Variants in LYST observed in about 807,000 individuals in gnomAD.
LYST encodes the protein lysosomal trafficking regulator.
A neutral mutation model predicts 413.6 loss-of-function variants in LYST; 192 were observed. The ratio of observed to expected loss-of-function variants is 0.46; its 90% CI spans 0.41 to 0.52. The LOEUF (loss-of-function observed/expected upper bound fraction) is 0.52. LYST is among the 20% of genes least tolerant of loss of function. LYST has a pLI of 0.00. For synonymous variants in LYST, 1,525 were observed against 1,567.3 expected (o/e 0.97, Z 0.64); for missense variants, 3,815 against 4,499.9 (o/e 0.85, Z 4.35).
intron 44 of LYST, among the ~76,000 whole-genome samples, chr1:235,703,604 C>A (rs906784986): frequency 3.3e-5 from 5 of 152,226 alleles, no homozygotes; most frequent in Admixed American, 6.5e-5. Flanking sequence ...CTTAGCTTTT[C>A]GTATATTTAA....
chr1:235,786,563 G>T (rs183799328), intron 14 of LYST, among the ~76,000 whole-genome samples: 24 of 152,216 alleles, frequency 1.6e-4, no homozygotes, highest in African/African-American at 5.8e-4. Flanking sequence ...ATACCCAAAG[G>T]ATTATGAATC....
At chr1:235,665,152 T>G (rs368494621) in intron 50 of LYST, among the ~76,000 whole-genome samples, 6 of 152,168 alleles carry the variant, frequency 3.9e-5, no homozygotes, top group South Asian at 2.1e-4. Flanking sequence ...AAAATAAAAA[T>G]AAGAAGAAGC....
Position 235,801,086 on chromosome 1 carries a change from T to G in LYST, c.3724A>C (p.Lys1242Gln). The G allele has an allele frequency of 1.2e-6, 2 of 1,601,446 alleles. No homozygotes were observed. Among genetic ancestry groups the G allele is most frequent in the Non-Finnish European group, 1.7e-6 (2 of 1,168,932 alleles). The part of the protein sequence containing the change: ...GETQDDGVDL[K>Q]SETEGFSASS... ...GCACTGAAACCTTCTGTTTCAGACT[T>G]TAAGTCTACCCCTGAAAAGAGAAAA... The change falls in exon 9 of 53, where the codon AAG (lysine) becomes CAG (glutamine). Residue 1242 changes from lysine (K) to glutamine (Q), a missense_variant. Lys to Gln is a moderately conservative substitution (Grantham distance 53, BLOSUM62 1). Around this residue, in one of 4 missense-constraint regions of LYST, gnomAD observed 1,648 missense variants for 1,810.3 expected, o/e 0.91. Coordinates refer to ENST00000389793, the MANE Select transcript of LYST (RefSeq NM_000081.4).
intron 7 of LYST, 81 bp downstream of exon 7, chr1:235,804,423 C>G: frequency 9.3e-7 from 1 of 1,071,562 alleles, no homozygotes; most frequent in South Asian, 1.2e-5. Flanking sequence ...TAATGACATT[C>G]ATCAGCGTCC....
intron 16 of LYST, among the ~76,000 whole-genome samples, chr1:235,777,713 G>T (rs995279325): frequency 6.6e-6 from 1 of 151,976 alleles, no homozygotes; most frequent in Non-Finnish European, 1.5e-5. Context: ...CTTTGCATTT[G>T]CTCATTGGCT....
intron 1 of LYST, among the ~76,000 whole-genome samples, chr1:235,844,399 A>T (rs1677554436): frequency 6.6e-6 from 1 of 152,196 alleles, no homozygotes; most frequent in Non-Finnish European, 1.5e-5. Flanking sequence ...CACATTCTAC[A>T]GTTGAGAAAA....
intron 1 of LYST, among the ~76,000 whole-genome samples, chr1:235,860,224 C>T (rs1376619321): frequency 6.6e-6 from 1 of 152,120 alleles, no homozygotes; most frequent in Non-Finnish European, 1.5e-5. Context: ...CACAACAAAA[C>T]AGAGAGGCAA....
At chr1:235,737,919 C>CAG in intron 31 of LYST, 117 of 1,160,672 alleles carry the variant, frequency 1.0e-4, no homozygotes, top group Admixed American at 6.7e-4. Context: ...GCCGACGAGT[C>CAG]TGGATCTCAC....
intron 37 of LYST, among the ~76,000 whole-genome samples, chr1:235,729,108 C>G (rs957052974): frequency 6.6e-6 from 1 of 152,132 alleles, no homozygotes; most frequent in Non-Finnish European, 1.5e-5. Flanking sequence ...TAATTGTTTT[C>G]CTTCATATTT....
intron 45 of LYST, among the ~76,000 whole-genome samples, chr1:235,701,543 G>C (rs1351346629): frequency 6.6e-6 from 1 of 152,140 alleles, no homozygotes; most frequent in Non-Finnish European, 1.5e-5. Context: ...CAGGAGAACT[G>C]TTTGAACCCG....
Position 235,753,185 on chromosome 1 carries a change from T to C in LYST, c.7319A>G (p.Asp2440Gly). The C allele has an allele frequency of 2.5e-6, 4 of 1,609,002 alleles. No individual in the cohort carries two copies. The highest frequency in any genetic ancestry group is 3.4e-6 in the Non-Finnish European group (4 of 1,175,590). Reference sequence around the variant, plus strand: ...AAGAGCATTATGCAAGAGTATGTTGTCATATAGAGAGGTCTCTATTAGTCC... The same window carrying C: ...AAGAGCATTATGCAAGAGTATGTTGCCATATAGAGAGGTCTCTATTAGTCC... The part of the protein sequence containing the change: ...ILGLIETSLY[D>G]NILLHNALLL... Residue 2440 changes from aspartate (D) to glycine (G), a missense_variant, in exon 26 of 53, where the codon GAC becomes GGC. Around this residue, in one of 4 missense-constraint regions of LYST, gnomAD observed 771 missense variants for 837.1 expected, o/e 0.92. Coordinates refer to ENST00000389793, the MANE Select transcript of LYST (RefSeq NM_000081.4).
At chr1:235,834,637 G>A (rs980467135) in intron 1 of LYST, among the ~76,000 whole-genome samples, 2 of 152,152 alleles carry the variant, frequency 1.3e-5, no homozygotes, top group Non-Finnish European at 2.9e-5. Context: ...CATTATTCTA[G>A]GCACTTGAAG....
rs1476492330 is a variant in LYST, at chr1:235,771,913, GTTTGTTTTTTTTT to G, written c.5785-1629_5785-1617del. Among the ~76,000 whole-genome samples, 16 of 95,182 alleles carry G rather than the reference GTTTGTTTTTTTTT, an allele frequency of 1.7e-4. No homozygotes were observed. In the East Asian group the frequency reaches 2.6e-3, roughly 15 times the overall value. 62.4% of individuals were successfully genotyped at this position (95,182 alleles called of 152,430 possible). ...CTAATAGATTAGAAAAGGTTTTTTA[GTTTGTTTTTTTTT>G]TTTTTTTTTTTTTTGGCCAGGCATG... On this transcript the variant is annotated intron_variant, in intron 19 of 52. Coordinates refer to ENST00000389793, the MANE Select transcript of LYST (RefSeq NM_000081.4).
At chr1:235,732,018 C>T (rs935191042) in intron 34 of LYST, among the ~76,000 whole-genome samples, 1 of 150,704 alleles carries the variant, frequency 6.6e-6, no homozygotes, top group Non-Finnish European at 1.5e-5. Context: ...AAAAAAATAC[C>T]CTTATTCATA....
chr1:235,809,870 G>A lies in LYST; in HGVS notation c.948C>T (p.Thr316=), dbSNP rs1486181314. Residue 316 remains threonine, a synonymous_variant, in exon 5 of 53, where the codon ACC becomes ACT. Coordinates refer to ENST00000389793, the MANE Select transcript of LYST (RefSeq NM_000081.4). This position sits in a 1 kb window ranked among gnomAD's most constrained non-coding sequence, Gnocchi z 4.0. ...LESRVVSAGW[T]EEPVALIQRM... ...TTTGAATCAAAGCCACCGGTTCTTC[G>A]GTCCAACCTGCAGAAACTACTCGAC... The A allele has an allele frequency of 8.7e-6, 14 of 1,613,706 alleles. No homozygotes were observed. Among genetic ancestry groups the A allele is most frequent in the East Asian group, 2.2e-5 (1 of 44,828 alleles).
rs758045352 is a variant in LYST at position 235,751,329 on chromosome 1, T to C, written c.7661A>G (p.Gln2554Arg). 6 of 1,613,590 alleles carry C rather than the reference T, an allele frequency of 3.7e-6. No individual in the cohort carries two copies. The East Asian group carries it at 1.1e-4, about 30-fold the overall frequency. The change falls in exon 28 of 53, where the codon CAG (glutamine) becomes CGG (arginine). Residue 2554 changes from glutamine to arginine, a missense_variant. Transcript: ENST00000389793. ...GGTCCTTATAAATTCCATAGCAGCC[T>C]GGAGAACTCTAAGCTGTAGTGCAAC... ...MAVALQLRVL[Q>R]AAMEFIRTTA... is the part of the protein sequence containing the mutation.
At chr1:235,679,084 T>G (rs1196176945) in intron 48 of LYST, among the ~76,000 whole-genome samples, 1 of 152,196 alleles carries the variant, frequency 6.6e-6, no homozygotes, top group African/African-American at 2.4e-5. Flanking sequence ...AGGCTCACAT[T>G]ATTCCTTGTA....
chr1:235,799,708 C>T (rs1241014059), intron 10 of LYST, among the ~76,000 whole-genome samples: 1 of 152,126 alleles, frequency 6.6e-6, no homozygotes, highest in African/African-American at 2.4e-5. Context: ...TTAATCAATA[C>T]CAGATATGGC....
chr1:235,860,243 T>C (rs116495065), intron 1 of LYST, among the ~76,000 whole-genome samples: 3,254 of 151,988 alleles, frequency 0.021, 114 homozygotes, highest in African/African-American at 0.074. Flanking sequence ...AATTACAGAG[T>C]TTCCATGTAC....
Sources: allele counts gnomAD v4.1 joint callset (sites outside exome capture counted in the v4.1 genomes callset), GRCh38; gene constraint gnomAD v4.1.1; regional missense constraint gnomAD v4.1.1; non-coding constraint Gnocchi (gnomAD v3.1); transcripts MANE v1.5; gene names NCBI Gene and HGNC (gene_info 2026-07-23, HGNC 2026-07-21).